Variants in FBXO21 observed in about 807,000 individuals in gnomAD.
FBXO21 encodes the protein F-box only protein 21.
FBXO21 carries 32 observed loss-of-function variants against 76.6 expected under a neutral mutation model. The ratio of observed to expected loss-of-function variants is 0.42; its 90% CI spans 0.32 to 0.56. FBXO21 has a LOEUF of 0.56. Ranked by LOEUF, FBXO21 falls within the 20% of genes least tolerant of loss-of-function variation. FBXO21 has a pLI of 0.16. For missense variants in FBXO21, 586 were observed against 797.3 expected, an observed-to-expected ratio of 0.73 and a Z score of 3.19; for synonymous variants, 328 against 311.5, an observed-to-expected ratio of 1.05 and a Z score of -0.56.
intron 3 of FBXO21, among the ~76,000 whole-genome samples, chr12:117,182,775 C>T (rs1311051491): frequency 1.3e-5 from 2 of 151,686 alleles, no homozygotes; most frequent in Non-Finnish European, 2.9e-5. Context: ...GTTGGACAGG[C>T]TGGTCTTGAA....
At chr12:117,187,776 C>T (rs2135890267) in intron 2 of FBXO21, among the ~76,000 whole-genome samples, 1 of 152,328 alleles carries the variant, frequency 6.6e-6, no homozygotes, top group Admixed American at 6.5e-5. Flanking sequence ...TAGTCCATGA[C>T]CAACTGCACC....
In FBXO21 at chr12:117,144,387, G is replaced by T. The variant is rs974278734; in HGVS notation, c.*1700C>A. The T allele has an allele frequency of 6.6e-6, 1 of 152,196 alleles. No homozygotes were observed. The highest frequency in any genetic ancestry group is 1.9e-4 in the East Asian group (1 of 5,192). The allele number at this position is 152,196 out of a possible 1,614,324, so 9.4% of individuals were successfully genotyped here. On this transcript the variant is annotated 3_prime_UTR_variant, in exon 12 of 12. Coordinates refer to ENST00000622495, the MANE Select transcript of FBXO21 (RefSeq NM_015002.3). ...TTTGACTTTGGATTTGACTGATGAGGAACATGGACAGTGGATTAAATAGCT... is the reference window on the plus strand; with the variant it reads ...TTTGACTTTGGATTTGACTGATGAGTAACATGGACAGTGGATTAAATAGCT...
At chr12:117,179,915 C>A (rs1956211695) in intron 3 of FBXO21, among the ~76,000 whole-genome samples, 1 of 152,086 alleles carries the variant, frequency 6.6e-6, no homozygotes. Flanking sequence ...TTTTTCAAAA[C>A]AATGATATGG....
At chr12:117,174,890 T>G in intron 4 of FBXO21, 93 bp from the exon 5 acceptor site, 1 of 1,299,230 alleles carries the variant, frequency 7.7e-7, no homozygotes. Context: ...GACATGGCTC[T>G]TTACACCATC....
intron 7 of FBXO21, among the ~76,000 whole-genome samples, chr12:117,171,741 CAG>C (rs1355316584): frequency 1.3e-5 from 2 of 152,202 alleles, no homozygotes; most frequent in African/African-American, 2.4e-5. Flanking sequence ...ATCATTAAGA[CAG>C]AGTTTCAAAG....
At chr12:117,148,311 T>A (rs147238361) in intron 11 of FBXO21, among the ~76,000 whole-genome samples, 1 of 152,266 alleles carries the variant, frequency 6.6e-6, no homozygotes, top group African/African-American at 2.4e-5. Context: ...CAGAGATAAA[T>A]GTATGGAGGC....
intron 9 of FBXO21, 128 bp from the exon 10 acceptor site, chr12:117,158,191 T>C (rs1453074370): frequency 6.8e-6 from 7 of 1,024,744 alleles, no homozygotes; most frequent in Non-Finnish European, 1.0e-5. Context: ...GGCTATGCCC[T>C]GATCGAACCG....
chr12:117,189,450 C>T, intron 1 of FBXO21, 88 bp from the exon 2 acceptor site: 1 of 1,403,512 alleles, frequency 7.1e-7, no homozygotes, highest in Non-Finnish European at 1.0e-6. Flanking sequence ...ACAGGGACAG[C>T]AGTGGCGTCC....
chr12:117,166,574 C>G (rs1305863698), intron 8 of FBXO21, among the ~76,000 whole-genome samples: 1 of 152,224 alleles, frequency 6.6e-6, no homozygotes, highest in African/African-American at 2.4e-5. Flanking sequence ...TAGTCTACAA[C>G]TTTCTACTTT....
chr12:117,189,384 C>T (rs769652855), intron 1 of FBXO21, 22 bp from the exon 2 acceptor site: 7 of 1,613,844 alleles, frequency 4.3e-6, no homozygotes, highest in Non-Finnish European at 5.1e-6. Flanking sequence ...GAAACACCCC[C>T]TCAGCTTAAC....
At chr12:117,160,387 C>T (rs1955963876) in intron 9 of FBXO21, among the ~76,000 whole-genome samples, 1 of 152,132 alleles carries the variant, frequency 6.6e-6, no homozygotes, top group Non-Finnish European at 1.5e-5. Flanking sequence ...TATGGATCCG[C>T]TACTTCTGGG....
At chr12:117,178,078 T>C (rs1956192280) in intron 3 of FBXO21, among the ~76,000 whole-genome samples, 1 of 152,192 alleles carries the variant, frequency 6.6e-6, no homozygotes, top group Non-Finnish European at 1.5e-5. Flanking sequence ...TCTTGAACTC[T>C]AGACCTTTGT....
At chr12:117,159,381 G>A (rs113103685) in intron 9 of FBXO21, among the ~76,000 whole-genome samples, 20 of 151,996 alleles carry the variant, frequency 1.3e-4, no homozygotes, top group African/African-American at 1.9e-4. Context: ...TGACTTTCCC[G>A]GGGTCACAGG....
At chr12:117,148,477 G>A (rs1235574636) in intron 11 of FBXO21, among the ~76,000 whole-genome samples, 1 of 152,264 alleles carries the variant, frequency 6.6e-6, no homozygotes, top group Non-Finnish European at 1.5e-5. Context: ...CTCCAAGAAA[G>A]GTGGGGGTAG....
At position 117,189,337 on chromosome 12, in the gene FBXO21, T is replaced by A; in HGVS notation, c.265A>T (p.Ser89Cys). Residue 89 changes from serine to cysteine, a missense_variant, in exon 2 of 12, where the codon AGC (serine) becomes TGC (cysteine). By Grantham distance (112) the Ser-to-Cys change is moderately radical (BLOSUM62 -1). Around this residue, in one of 6 missense-constraint regions of FBXO21, gnomAD observed 152 missense variants for 127.2 expected, o/e 1.19. Transcript: ENST00000622495. ...AACCAATTGACGTAGTCGGTGGGGC[T>A]GTAGTGTTTCATAAGGGAAGGCCAC... The part of the protein sequence containing the change: ...VRWPSLMKHY[S>C]PTDYVNWLEE... The A allele has an allele frequency of 6.2e-7, 1 of 1,614,154 alleles. No homozygotes were observed. The highest frequency in any genetic ancestry group is 8.5e-7 in the Non-Finnish European group (1 of 1,180,028).
chr12:117,160,255 C>T (rs1955962402), intron 9 of FBXO21, among the ~76,000 whole-genome samples: 1 of 152,126 alleles, frequency 6.6e-6, no homozygotes, highest in African/African-American at 2.4e-5. Flanking sequence ...TTCACAAAAA[C>T]AGGCTTTGTG....
chr12:117,168,601 G>C (rs998600294), intron 7 of FBXO21, among the ~76,000 whole-genome samples: 2 of 152,052 alleles, frequency 1.3e-5, no homozygotes, highest in Admixed American at 1.3e-4. Context: ...AAATGTTCTA[G>C]AAACAAGGCA....
chr12:117,166,126 G>A (rs1171629487), intron 8 of FBXO21, among the ~76,000 whole-genome samples: 1 of 151,076 alleles, frequency 6.6e-6, no homozygotes, highest in African/African-American at 2.4e-5. Context: ...GGAGACAGAG[G>A]TTGTGGTGAA....
intron 11 of FBXO21, among the ~76,000 whole-genome samples, chr12:117,148,712 G>C (rs1210227638): frequency 6.6e-6 from 1 of 152,188 alleles, no homozygotes; most frequent in Non-Finnish European, 1.5e-5. Flanking sequence ...TCCCATTCCA[G>C]GGCTGAAGGG....
Sources: gnomAD v4.1 joint callset for allele counts (sites outside exome capture counted in the v4.1 genomes callset) on GRCh38, gnomAD v4.1.1 for gene constraint, gnomAD v4.1.1 regional missense constraint, MANE v1.5 for transcripts, NCBI Gene and HGNC (gene_info 2026-07-23, HGNC 2026-07-21) for gene names.